Variants in SYCE2 observed in about 807,000 individuals in gnomAD.
SYCE2 encodes synaptonemal complex central element protein 2, also known as central element synaptonemal complex 1.
Under a neutral mutation model 27.9 loss-of-function variants are expected in SYCE2, and 3 were observed. The ratio of observed to expected loss-of-function variants is 0.11; its 90% CI spans 0.05 to 0.28. The LOEUF (loss-of-function observed/expected upper bound fraction) is 0.28, where lower values mean the gene tolerates loss of function less well. Among genes scored for constraint, SYCE2 ranks in the 10% least tolerant of loss-of-function variants. The pLI is 1.00. For synonymous variants in SYCE2, 85 were observed against 100.7 expected (o/e 0.84, Z 0.93); for missense variants, 207 against 263.5 (o/e 0.79, Z 1.48).
chr19:12,902,126 T>C (rs965171244), intron 3 of SYCE2, among the ~76,000 whole-genome samples: 1 of 152,156 alleles, frequency 6.6e-6, no homozygotes, highest in African/African-American at 2.4e-5. Flanking sequence ...TAACATGCTG[T>C]GTGCAGGTTT....
intron 3 of SYCE2, among the ~76,000 whole-genome samples, chr19:12,903,789 G>C (rs1970887064): frequency 6.6e-6 from 1 of 152,042 alleles, no homozygotes; most frequent in Non-Finnish European, 1.5e-5. Flanking sequence ...GTAGAGACGT[G>C]GTTTCACCAT....
At chr19:12,902,514 A>C (rs949158686) in intron 3 of SYCE2, among the ~76,000 whole-genome samples, 2 of 152,158 alleles carry the variant, frequency 1.3e-5, no homozygotes, top group African/African-American at 4.8e-5. Context: ...GCACACCTGT[A>C]GTCTCAGCTA....
intron 2 of SYCE2, among the ~76,000 whole-genome samples, chr19:12,915,448 A>T (rs549720674): frequency 1.8e-3 from 28 of 15,184 alleles, no homozygotes; most frequent in South Asian, 4.9e-3. Context: ...AAAATATATA[A>T]AAAAAAAGCC....
Position 12,899,188 on chromosome 19 carries a change from TG to T in SYCE2, c.*152del. Reference sequence around the variant, plus strand: ...GGCAGGGGCTGGACTTGCTACATTTTGGGAGTTCAGCACAAGGAGCTTTGGG... The same window carrying T: ...GGCAGGGGCTGGACTTGCTACATTTTGGAGTTCAGCACAAGGAGCTTTGGG... On this transcript the variant is annotated 3_prime_UTR_variant, in exon 6 of 6. Coordinates refer to ENST00000293695, the MANE Select transcript of SYCE2 (RefSeq NM_001105578.2). 2 of 690,582 alleles carry T rather than the reference TG, an allele frequency of 2.9e-6. No homozygotes were observed. The highest frequency in any genetic ancestry group is 3.6e-5 in the South Asian group (2 of 54,896). 42.8% of individuals were successfully genotyped at this position (690,582 alleles called of 1,614,324 possible). A position where few individuals can be genotyped will look rare whatever the true frequency, so the allele number is the denominator to read the frequency against.
At chr19:12,900,294 G>C (rs1178947507) in intron 4 of SYCE2, 166 bp downstream of exon 4, 2 of 1,049,202 alleles carry the variant, frequency 1.9e-6, no homozygotes, top group Non-Finnish European at 2.7e-6. Flanking sequence ...GACACACCAT[G>C]TTATAGGGGA....
At chr19:12,907,754 G>A (rs1970963780) in intron 2 of SYCE2, among the ~76,000 whole-genome samples, 1 of 152,106 alleles carries the variant, frequency 6.6e-6, no homozygotes, top group African/African-American at 2.4e-5. Flanking sequence ...TCGTGCCACT[G>A]CACTCCAGCC....
At chr19:12,900,210 A>T in intron 4 of SYCE2, 90 bp from the exon 5 acceptor site, 1 of 1,459,838 alleles carries the variant, frequency 6.9e-7, no homozygotes, top group African/African-American at 1.4e-5. Flanking sequence ...GGTGCAAGGG[A>T]CTTTGTCCTT....
intron 1 of SYCE2, 69 bp from the exon 2 acceptor site, chr19:12,918,406 C>A (rs1231572409): frequency 7.0e-7 from 1 of 1,422,444 alleles, no homozygotes; most frequent in African/African-American, 1.4e-5. Context: ...CTCCTGCCGA[C>A]CCTTCAACCC....
Position 12,900,520 on chromosome 19 carries a change from C to A in SYCE2, c.435G>T (p.Glu145Asp), listed in dbSNP as rs1432196155. 1 of 1,614,146 alleles carries A rather than the reference C, an allele frequency of 6.2e-7. No individual in the cohort carries two copies. The highest frequency in any genetic ancestry group is 8.5e-7 in the Non-Finnish European group (1 of 1,180,044). Residue 145 changes from glutamate (E) to aspartate (D), a missense_variant, in exon 4 of 6, where the codon GAG becomes GAT. By Grantham distance (45) the Glu-to-Asp change is conservative (BLOSUM62 2). Transcript: ENST00000293695. ...CCACGCTGTGGCAGACTTGTTTGAG[C>A]TCTGTCTCCAAATGGCTGATCTTTG... ...KMAKISHLET[E>D]LKQVCHSVET...
chr19:12,899,749 C>G, intron 5 of SYCE2: 4 of 1,611,114 alleles, frequency 2.5e-6, no homozygotes, highest in Non-Finnish European at 3.4e-6. Flanking sequence ...TGTAGAGCGT[C>G]TCAATCCACT....
At chr19:12,899,423 T>C (rs769283497) in intron 5 of SYCE2, 38 bp from the exon 6 acceptor site, 22 of 1,613,940 alleles carry the variant, frequency 1.4e-5, no homozygotes, top group Non-Finnish European at 1.9e-5. Context: ...AGGGAAGTTG[T>C]GAGCTATGAA....
intron 2 of SYCE2, among the ~76,000 whole-genome samples, chr19:12,908,603 C>A (rs1033368583): frequency 6.6e-6 from 1 of 152,126 alleles, no homozygotes; most frequent in Non-Finnish European, 1.5e-5. Flanking sequence ...GGATTACAGG[C>A]GTGAGCCACC....
intron 5 of SYCE2, chr19:12,899,757 A>G (rs1970791890): frequency 1.2e-6 from 2 of 1,609,608 alleles, no homozygotes; most frequent in Non-Finnish European, 1.7e-6. Context: ...GTCTCAATCC[A>G]CTTTTAACCA....
intron 3 of SYCE2, among the ~76,000 whole-genome samples, chr19:12,902,689 C>T (rs965707386): frequency 5.3e-5 from 8 of 151,900 alleles, no homozygotes; most frequent in Admixed American, 5.3e-4. Context: ...TGTTGCATGC[C>T]TATAGTCTCA....
At chr19:12,906,371 T>C (rs1055630610) in intron 2 of SYCE2, among the ~76,000 whole-genome samples, 1 of 152,220 alleles carries the variant, frequency 6.6e-6, no homozygotes, top group Non-Finnish European at 1.5e-5. Flanking sequence ...ACTGTAATTA[T>C]GTAATTCAAA....
intron 4 of SYCE2, 136 bp from the exon 5 acceptor site, chr19:12,900,256 C>G (rs567697090): frequency 2.5e-5 from 30 of 1,183,360 alleles, no homozygotes; most frequent in Non-Finnish European, 3.4e-5. Context: ...AACAGTGGGA[C>G]ATGACAACGG....
chr19:12,911,680 C>T (rs531531330), intron 2 of SYCE2, among the ~76,000 whole-genome samples: 11 of 149,694 alleles, frequency 7.3e-5, no homozygotes, highest in Non-Finnish European at 1.0e-4. Flanking sequence ...TGCAGTGCCA[C>T]GATCTCGGCT....
At chr19:12,900,888 A>G (rs958596218) in intron 3 of SYCE2, among the ~76,000 whole-genome samples, 1 of 152,186 alleles carries the variant, frequency 6.6e-6, no homozygotes, top group Non-Finnish European at 1.5e-5. Context: ...TATTAAAAAT[A>G]TAAAAGCTAG....
chr19:12,903,974 G>A (rs1170200667), intron 3 of SYCE2, among the ~76,000 whole-genome samples: 1 of 152,196 alleles, frequency 6.6e-6, no homozygotes, highest in Non-Finnish European at 1.5e-5. Context: ...GCTTTTGCAA[G>A]ATGTAAGCCC....
Sources: allele counts gnomAD v4.1 joint callset (sites outside exome capture counted in the v4.1 genomes callset), GRCh38; gene constraint gnomAD v4.1.1; transcripts MANE v1.5; gene names NCBI Gene and HGNC (gene_info 2026-07-23, HGNC 2026-07-21).